The following ENO4 variants were observed in gnomAD, a reference collection of about 807,000 sequenced individuals.
The protein encoded by ENO4 is 2-phospho-D-glycerate hydro-lyase.
A neutral mutation model predicts 63.2 loss-of-function variants in ENO4; 53 were observed. That is an observed-to-expected ratio of 0.84 (90% CI 0.67 to 1.05). The LOEUF is 1.05. ENO4 is among the 50% of genes least tolerant of loss of function. ENO4 has a pLI of 0.00. For missense variants in ENO4, 719 were observed against 772.0 expected (o/e 0.93, Z 0.81); for synonymous variants, 266 against 283.8 (o/e 0.94, Z 0.63).
At chr10:116,884,118 A>G, downstream of ENO4, 2 of 422,550 alleles carry the variant, frequency 4.7e-6, no homozygotes, top group South Asian at 3.3e-5. Context: ...CAAAAACATA[A>G]AGATGCAGTC....
chr10:116,912,359 A>T (rs1848232223), downstream of ENO4, among the ~76,000 whole-genome samples: 1 of 152,204 alleles, frequency 6.6e-6, no homozygotes, highest in South Asian at 2.1e-4. Flanking sequence ...TCACAAGAGG[A>T]CAGAGTCGAG....
chr10:116,874,663 C>T (rs377176706), intron 10 of ENO4, among the ~76,000 whole-genome samples: 4 of 152,022 alleles, frequency 2.6e-5, no homozygotes, highest in South Asian at 2.1e-4. Flanking sequence ...TATGCATAAA[C>T]GTAACAAAGC....
In ENO4 at chr10:116,863,019, T is replaced by C. The variant is rs942288472; in HGVS notation, c.990+167T>C. On this transcript the variant is annotated intron_variant, in intron 7 of 13. Coordinates refer to ENST00000341276, the MANE Select transcript of ENO4 (RefSeq NM_001242699.2). Reference sequence around the variant, plus strand: ...AGTGTATCCATGTCCTCAGTGGCTATGGATCCAGCCTCTAATGGTACTTAA... The same window carrying C: ...AGTGTATCCATGTCCTCAGTGGCTACGGATCCAGCCTCTAATGGTACTTAA... 1.1e-4 allele frequency among the ~76,000 whole-genome samples: 17 copies of C among 152,358 alleles called. No homozygotes were observed. In the East Asian group the frequency reaches 2.1e-3, roughly 19 times the overall value.
intron 10 of ENO4, among the ~76,000 whole-genome samples, chr10:116,910,322 C>T (rs1187334193): frequency 6.6e-6 from 1 of 152,138 alleles, no homozygotes; most frequent in Non-Finnish European, 1.5e-5. Context: ...CCAGGTAAGG[C>T]AGTGAGATCT....
At position 116,861,096 on chromosome 10, in the gene ENO4, T is replaced by C; in HGVS notation, c.842T>C (p.Val281Ala). 1 of 1,549,648 alleles carries C rather than the reference T, an allele frequency of 6.5e-7. No individual in the cohort carries two copies. The highest frequency in any genetic ancestry group is 8.7e-7 in the Non-Finnish European group (1 of 1,146,450). Residue 281 changes from valine (V) to alanine (A), a missense_variant, in exon 6 of 14, where the codon GTA (valine) becomes GCA (alanine). Coordinates refer to ENST00000341276, the MANE Select transcript of ENO4 (RefSeq NM_001242699.2). ...ACGCTATCTATGCCTTTGCTGATGG[T>C]ATCGCTGGTCAGCTGTGGGAAGTCA... ...PTTLSMPLLM[V>A]SLVSCGKSSS...
chr10:116,895,476 T>G (rs1847485586), intron 10 of ENO4, among the ~76,000 whole-genome samples: 1 of 152,226 alleles, frequency 6.6e-6, no homozygotes. Context: ...TTTTCAGAAC[T>G]CTGTTTTACT....
At chr10:116,879,151 CG>C in intron 11 of ENO4, 139 bp from the exon 12 acceptor site, 1 of 597,492 alleles carries the variant, frequency 1.7e-6, no homozygotes, top group East Asian at 2.9e-5. Flanking sequence ...AAAATGCAAA[CG>C]TTAGAATCCT....
At chr10:116,889,656 C>T (rs1433006668) in intron 10 of ENO4, among the ~76,000 whole-genome samples, 1 of 152,216 alleles carries the variant, frequency 6.6e-6, no homozygotes, top group African/African-American at 2.4e-5. Context: ...GAGTCAGAAG[C>T]TCCTGTCTCC....
At chr10:116,878,437 G>C (rs1341637758) in intron 11 of ENO4, among the ~76,000 whole-genome samples, 1 of 152,132 alleles carries the variant, frequency 6.6e-6, no homozygotes, top group Non-Finnish European at 1.5e-5. Flanking sequence ...ACATTTCAAA[G>C]GGTTTTAAGA....
chr10:116,884,988 A>G (rs902513136), downstream of ENO4: 4 of 152,406 alleles, frequency 2.6e-5, no homozygotes, highest in Admixed American at 6.5e-5. Flanking sequence ...ATAAGTAACT[A>G]TAAAATCATT....
chr10:116,850,002 C>T, intron 1 of ENO4: 1 of 616,680 alleles, frequency 1.6e-6, no homozygotes, highest in Non-Finnish European at 2.9e-6. Context: ...AGCCCAGGGG[C>T]TGGCAGGCTT....
At chr10:116,861,853 T>A (rs1846422841) in intron 6 of ENO4, among the ~76,000 whole-genome samples, 1 of 152,046 alleles carries the variant, frequency 6.6e-6, no homozygotes, top group Non-Finnish European at 1.5e-5. Flanking sequence ...AAAATCAAGA[T>A]TTTTCATGAT....
At chr10:116,897,096 G>A (rs113656265) in intron 10 of ENO4, among the ~76,000 whole-genome samples, 7 of 152,074 alleles carry the variant, frequency 4.6e-5, no homozygotes, top group African/African-American at 1.4e-4. Flanking sequence ...GATTATAGGC[G>A]TAAGCCACCA....
downstream of ENO4, chr10:116,884,903 C>A (rs1380637043): frequency 2.6e-5 from 4 of 152,490 alleles, no homozygotes; most frequent in Admixed American, 1.3e-4. Context: ...GTAAGCATAT[C>A]ATATAGCAGT....
At chr10:116,873,552 C>A (rs968458139) in intron 9 of ENO4, among the ~76,000 whole-genome samples, 1 of 152,158 alleles carries the variant, frequency 6.6e-6, no homozygotes, top group African/African-American at 2.4e-5. Flanking sequence ...ACATGCTACC[C>A]AAGAAAGAAA....
rs181106810 is a variant in ENO4 at position 116,888,355 on chromosome 10, G to A, written c.1194+8369G>A. On this transcript the variant is annotated intron_variant, in intron 10 of 10. Coordinates refer to the ENO4 transcript ENST00000369207. ...TATTTAAAAGCCTGTGATGGGAGAA[G>A]CAGAACAACTATGAGTAATATTAAG... Among the ~76,000 whole-genome samples, 1,338 of 152,302 alleles carry A rather than the reference G, an allele frequency of 8.8e-3. 20 individuals are homozygous for A. Among genetic ancestry groups the A allele is most frequent in the Middle Eastern group, 0.024 (7 of 294 alleles).
chr10:116,854,798 G>A (rs149686323), intron 1 of ENO4, among the ~76,000 whole-genome samples: 68 of 151,180 alleles, frequency 4.5e-4, no homozygotes, highest in African/African-American at 1.3e-3. Context: ...AAAATTAGCC[G>A]GGTGTGGTGG....
At chr10:116,900,701 A>G (rs972075085) in intron 10 of ENO4, 1 of 984,882 alleles carries the variant, frequency 1.0e-6, no homozygotes. Flanking sequence ...AATAGGAAAG[A>G]TGGAGAATGA....
intron 4 of ENO4, among the ~76,000 whole-genome samples, chr10:116,859,737 A>T (rs545238988): frequency 3.3e-5 from 5 of 152,222 alleles, no homozygotes; most frequent in Admixed American, 6.5e-5. Context: ...GAGGGCATGA[A>T]TCATGTTTAT....
Sources: gnomAD v4.1 joint callset for allele counts (sites outside exome capture counted in the v4.1 genomes callset) on GRCh38, gnomAD v4.1.1 for gene constraint, MANE v1.5 for transcripts, NCBI Gene and HGNC (gene_info 2026-07-23, HGNC 2026-07-21) for gene names.